BANK1: variants seen among roughly 807,000 people sequenced by gnomAD.
BANK1 encodes the protein B cell scaffold protein with ankyrin repeats 1.
Under a neutral mutation model 94.5 loss-of-function variants are expected in BANK1, and 95 were observed. The ratio of observed to expected loss-of-function variants is 1.00; its 90% CI spans 0.85 to 1.19. The LOEUF (loss-of-function observed/expected upper bound fraction) is 1.19. Ranked by LOEUF, BANK1 falls within the 50% of genes most tolerant of loss-of-function variation. BANK1 has a pLI of 0.00. For synonymous variants in BANK1, 334 were observed against 308.4 expected, an observed-to-expected ratio of 1.08 and a Z score of -0.87; for missense variants, 987 against 932.2, an observed-to-expected ratio of 1.06 and a Z score of -0.77.
At chr4:101,792,499 T>A (rs1725030877) in intron 1 of BANK1, among the ~76,000 whole-genome samples, 1 of 149,540 alleles carries the variant, frequency 6.7e-6, no homozygotes, top group Admixed American at 6.7e-5. Context: ...GAGCTCCCTC[T>A]CTCTCCAACA....
rs527553018 is a variant in BANK1, at chr4:101,797,823, A to G, written c.70+6873A>G. Among the ~76,000 whole-genome samples, 5 of 152,310 alleles carry G rather than the reference A, an allele frequency of 3.3e-5. No homozygotes were observed. The South Asian group carries it at 1.0e-3, about 32-fold the overall frequency. On this transcript the variant is annotated intron_variant, in intron 1 of 16. Coordinates refer to ENST00000322953, the MANE Select transcript of BANK1 (RefSeq NM_017935.5). The stretch of plus-strand genomic sequence containing the variant: ...GTCAAGTAAGCAGTTCGATTTTAGG[A>G]TCTGGATATCAGAAAGGCAGTTCAG...
intron 7 of BANK1, among the ~76,000 whole-genome samples, chr4:101,978,308 TG>T (rs1252308459): frequency 6.6e-6 from 1 of 152,064 alleles, no homozygotes; most frequent in Non-Finnish European, 1.5e-5. Context: ...ATTTTATAAA[TG>T]GGGAAACTGA....
intron 7 of BANK1, among the ~76,000 whole-genome samples, chr4:101,967,529 A>C (rs1479910685): frequency 1.3e-5 from 2 of 152,022 alleles, no homozygotes; most frequent in Non-Finnish European, 2.9e-5. Flanking sequence ...AAATAAATAT[A>C]TGGGAAGTTC....
chr4:101,912,332 G>GAAATC (rs1722689897), intron 6 of BANK1, among the ~76,000 whole-genome samples: 1 of 151,944 alleles, frequency 6.6e-6, no homozygotes, highest in African/African-American at 2.4e-5. Flanking sequence ...AAATCTTAAG[G>GAAATC]TTTGAAAACT....
chr4:101,819,821 G>A (rs1339071761), intron 1 of BANK1, among the ~76,000 whole-genome samples: 2 of 150,584 alleles, frequency 1.3e-5, no homozygotes, highest in Non-Finnish European at 3.0e-5. Context: ...CTAGAGTAGA[G>A]GTCAGCAAAT....
chr4:101,824,571 C>T (rs1726293012), intron 1 of BANK1, among the ~76,000 whole-genome samples: 1 of 151,968 alleles, frequency 6.6e-6, no homozygotes, highest in Admixed American at 6.6e-5. Context: ...TTGAGTTATA[C>T]TTACTGTGTA....
At chr4:101,954,393 G>A (rs1362920672) in intron 7 of BANK1, among the ~76,000 whole-genome samples, 1 of 152,064 alleles carries the variant, frequency 6.6e-6, no homozygotes, top group African/African-American at 2.4e-5. Context: ...TTTATATTCT[G>A]GAATAGTTAG....
chr4:101,854,981 G>A, intron 2 of BANK1, 54 bp from the exon 3 acceptor site: 1 of 1,388,552 alleles, frequency 7.2e-7, no homozygotes, highest in Non-Finnish European at 9.9e-7. Context: ...AGCAATGGAG[G>A]AAATACTGTG....
chr4:101,805,084 T>G (rs6811141), intron 1 of BANK1, among the ~76,000 whole-genome samples: 84,148 of 151,992 alleles, frequency 0.55, 23,396 homozygotes, highest in South Asian at 0.69. Context: ...ATTTAAATAT[T>G]GGGATTTCAT....
rs915053715 is a variant in BANK1, at chr4:101,827,763, A to G, written c.71-2045A>G. On this transcript the variant is annotated intron_variant, in intron 1 of 16. Transcript: ENST00000322953. ...ACAATGATAAAACATAGTGAAAATCAACAGTTCTTCACTTTCCCTTTCCCC... is the reference window on the plus strand; with the variant it reads ...ACAATGATAAAACATAGTGAAAATCGACAGTTCTTCACTTTCCCTTTCCCC... 2.0e-5 allele frequency among the ~76,000 whole-genome samples: 3 copies of G among 152,014 alleles called. No homozygotes were observed. The East Asian group carries it at 5.8e-4, about 29-fold the overall frequency.
chr4:101,935,121 A>G (rs1723485097), intron 7 of BANK1, among the ~76,000 whole-genome samples: 1 of 151,520 alleles, frequency 6.6e-6, no homozygotes, highest in East Asian at 1.9e-4. Context: ...ACCCATCCCC[A>G]GAATATAAGT....
chr4:102,018,755 C>T (rs1264829720), intron 7 of BANK1, among the ~76,000 whole-genome samples: 1 of 151,820 alleles, frequency 6.6e-6, no homozygotes, highest in African/African-American at 2.4e-5. Context: ...ATCCAATCTC[C>T]AAACCCAAAA....
intron 6 of BANK1, among the ~76,000 whole-genome samples, chr4:101,906,417 G>A (rs1358595722): frequency 6.6e-6 from 1 of 152,152 alleles, no homozygotes; most frequent in Non-Finnish European, 1.5e-5. Context: ...ATTCCTGCCT[G>A]AATAGAACTA....
intron 7 of BANK1, among the ~76,000 whole-genome samples, chr4:101,975,849 A>G (rs995760085): frequency 1.3e-5 from 2 of 152,148 alleles, no homozygotes; most frequent in African/African-American, 2.4e-5. Context: ...TCATATTGTT[A>G]TAATGAGAAT....
chr4:102,007,092 A>ATATTTATATATATAAATATATTATAT (rs1322128290), intron 7 of BANK1, among the ~76,000 whole-genome samples: 2 of 82,298 alleles, frequency 2.4e-5, no homozygotes, highest in African/African-American at 8.4e-5. Flanking sequence ...ATATATATAT[A>ATATTTATATATATAAATATATTATAT]ATATATTTAT....
At chr4:101,887,032 A>G (rs2148887765) in intron 5 of BANK1, among the ~76,000 whole-genome samples, 1 of 152,322 alleles carries the variant, frequency 6.6e-6, no homozygotes, top group South Asian at 2.1e-4. Flanking sequence ...ATGGCATGGC[A>G]TGGCAGTGGA....
At chr4:101,904,095 G>A (rs1249107328) in intron 6 of BANK1, among the ~76,000 whole-genome samples, 2 of 152,210 alleles carry the variant, frequency 1.3e-5, no homozygotes, top group African/African-American at 2.4e-5. Flanking sequence ...CAGTGATAAC[G>A]TTTAGCAGGC....
At chr4:101,861,214 C>G (rs1727863987) in intron 3 of BANK1, among the ~76,000 whole-genome samples, 1 of 152,150 alleles carries the variant, frequency 6.6e-6, no homozygotes, top group South Asian at 2.1e-4. Context: ...GAGTATTAGA[C>G]TCTGGTGGAA....
chr4:101,943,571 G>C (rs1451827112), intron 7 of BANK1, among the ~76,000 whole-genome samples: 1 of 151,764 alleles, frequency 6.6e-6, no homozygotes, highest in Non-Finnish European at 1.5e-5. Context: ...GTGAATGAAG[G>C]GGAAGGAGGA....
Sources: allele counts gnomAD v4.1 joint callset (sites outside exome capture counted in the v4.1 genomes callset), GRCh38; gene constraint gnomAD v4.1.1; transcripts MANE v1.5; gene names NCBI Gene and HGNC (gene_info 2026-07-23, HGNC 2026-07-21).